The following TBC1D22A variants were observed in gnomAD, a reference collection of about 807,000 sequenced individuals.
TBC1D22A encodes the protein putative GTPase activator.
A neutral mutation model predicts 60.2 loss-of-function variants in TBC1D22A; 38 were observed. The observed-to-expected ratio is 0.63, with a 90% CI of 0.49 to 0.83. The LOEUF is 0.83. Ranked by LOEUF, TBC1D22A falls within the 40% of genes least tolerant of loss-of-function variation. The pLI is 0.00. For missense variants in TBC1D22A, 628 were observed against 701.0 expected, an observed-to-expected ratio of 0.90 and a Z score of 1.18; for synonymous variants, 302 against 281.7, an observed-to-expected ratio of 1.07 and a Z score of -0.72.
chr22:47,086,325 G>T (rs1034136953), intron 11 of TBC1D22A, among the ~76,000 whole-genome samples: 1 of 152,150 alleles, frequency 6.6e-6, no homozygotes, highest in Admixed American at 6.5e-5. Context: ...CGTGGTGGCA[G>T]GCGCCTGTAA....
At chr22:46,876,502 C>T (rs533263434) in intron 4 of TBC1D22A, among the ~76,000 whole-genome samples, 5 of 152,294 alleles carry the variant, frequency 3.3e-5, no homozygotes, top group South Asian at 2.1e-4. Context: ...GCCATTCTCT[C>T]GGGTCTGCCT....
At chr22:47,172,875 C>G (rs2068540642) in intron 12 of TBC1D22A, among the ~76,000 whole-genome samples, 1 of 152,220 alleles carries the variant, frequency 6.6e-6, no homozygotes. Flanking sequence ...TTGCTGTGCT[C>G]CTGGGCTCCC....
Position 46,884,074 on chromosome 22 carries a change from C to T in TBC1D22A, c.708+5351C>T, listed in dbSNP as rs138046377. On this transcript the variant is annotated intron_variant, in intron 5 of 12. Coordinates refer to ENST00000337137, the MANE Select transcript of TBC1D22A (RefSeq NM_014346.5). The stretch of plus-strand genomic sequence containing the variant: ...GTTGTGGGGCAAACAGCGTTCCAAG[C>T]CCTTGGACGAACATTCCGCCCTCGT... Among the ~76,000 whole-genome samples, 603 of 152,264 alleles carry T rather than the reference C, an allele frequency of 4.0e-3. 1 individual carries two copies. Among genetic ancestry groups the T allele is most frequent in the Middle Eastern group, 0.02 (6 of 294 alleles).
chr22:47,030,480 G>A (rs1401630684), intron 10 of TBC1D22A, among the ~76,000 whole-genome samples: 1 of 152,238 alleles, frequency 6.6e-6, no homozygotes, highest in East Asian at 1.9e-4. Flanking sequence ...TGGATCTGCT[G>A]TTTAAAGTGC....
At chr22:46,801,186 G>A (rs1225000995) in intron 4 of TBC1D22A, among the ~76,000 whole-genome samples, 1 of 152,198 alleles carries the variant, frequency 6.6e-6, no homozygotes, top group Non-Finnish European at 1.5e-5. Flanking sequence ...TAAATGCAGA[G>A]CTTTCAAAGT....
chr22:47,172,033 G>GCCCAACGCA (rs2068491884), intron 12 of TBC1D22A, among the ~76,000 whole-genome samples: 1 of 101,552 alleles, frequency 9.8e-6, no homozygotes, highest in East Asian at 5.3e-4. Context: ...CTCCCAGTGA[G>GCCCAACGCA]CCTACCCAGC....
chr22:46,935,810 C>A (rs2071617641), intron 8 of TBC1D22A, among the ~76,000 whole-genome samples: 2 of 151,992 alleles, frequency 1.3e-5, no homozygotes, highest in African/African-American at 4.8e-5. Context: ...GTCTCTGTAG[C>A]CTTTGCTGTT....
intron 11 of TBC1D22A, among the ~76,000 whole-genome samples, chr22:47,099,991 C>A (rs2065346831): frequency 6.6e-6 from 1 of 152,196 alleles, no homozygotes; most frequent in Non-Finnish European, 1.5e-5. Flanking sequence ...CGGCCTGGGG[C>A]TGTGTGGACT....
chr22:47,164,002 C>G (rs971683391), intron 12 of TBC1D22A, among the ~76,000 whole-genome samples: 1 of 152,230 alleles, frequency 6.6e-6, no homozygotes, highest in African/African-American at 2.4e-5. Flanking sequence ...AAGGCCCATG[C>G]TTTTCCTTGT....
chr22:46,952,793 A>T (rs762993251), intron 8 of TBC1D22A, among the ~76,000 whole-genome samples: 1 of 152,050 alleles, frequency 6.6e-6, no homozygotes, highest in Non-Finnish European at 1.5e-5. Flanking sequence ...ACCCCTCAGC[A>T]TTGTTGGTAC....
intron 4 of TBC1D22A, among the ~76,000 whole-genome samples, chr22:46,824,597 C>T (rs768576422): frequency 2.0e-4 from 30 of 152,092 alleles, no homozygotes; most frequent in Non-Finnish European, 2.5e-4. Flanking sequence ...CTGGGGCTGG[C>T]GCGATTCGAC....
At chr22:46,993,018 C>T (rs906365433) in intron 9 of TBC1D22A, among the ~76,000 whole-genome samples, 2 of 152,196 alleles carry the variant, frequency 1.3e-5, no homozygotes, top group Non-Finnish European at 2.9e-5. Context: ...AAAGAAGAGG[C>T]TGGACTTTGT....
intron 8 of TBC1D22A, among the ~76,000 whole-genome samples, chr22:46,970,114 C>G (rs2148109522): frequency 6.6e-6 from 1 of 152,208 alleles, no homozygotes; most frequent in East Asian, 1.9e-4. Context: ...TACCCACCTC[C>G]TGGAATCCAG....
At chr22:46,772,184 T>C (rs1369363047) in intron 1 of TBC1D22A, among the ~76,000 whole-genome samples, 16 of 50 alleles carry the variant, frequency 0.32, 1 homozygote, top group African/African-American at 0.5. Flanking sequence ...TACATATATA[T>C]GTATACACAC....
intron 11 of TBC1D22A, among the ~76,000 whole-genome samples, chr22:47,051,076 C>T (rs958843932): frequency 1.3e-5 from 2 of 152,000 alleles, no homozygotes; most frequent in Admixed American, 6.5e-5. Context: ...TGGGTTCTGC[C>T]CTGTGGCCTG....
chr22:46,880,720 C>T (rs2067808695), intron 5 of TBC1D22A, among the ~76,000 whole-genome samples: 1 of 152,046 alleles, frequency 6.6e-6, no homozygotes, highest in Non-Finnish European at 1.5e-5. Context: ...TACAGAGGGT[C>T]AGCTTCTGCT....
At chr22:47,072,831 C>T (rs977547348) in intron 11 of TBC1D22A, among the ~76,000 whole-genome samples, 4 of 152,248 alleles carry the variant, frequency 2.6e-5, no homozygotes, top group African/African-American at 9.6e-5. Context: ...CCATACATGT[C>T]ATGGTCTTGT....
At chr22:46,921,123 C>T (rs2070733288) in intron 8 of TBC1D22A, among the ~76,000 whole-genome samples, 2 of 152,094 alleles carry the variant, frequency 1.3e-5, no homozygotes, top group African/African-American at 2.4e-5. Flanking sequence ...GGTACATGTA[C>T]AGGTTTTTTA....
rs1303562869 is a variant in TBC1D22A at position 47,174,652 on chromosome 22, C to G, written c.*1026C>G. 6.9e-6 allele frequency: 1 copy of G among 145,894 alleles called. No homozygotes were observed. The highest frequency in any genetic ancestry group is 1.6e-5 in the Non-Finnish European group (1 of 64,054). The allele number at this position is 145,894 out of a possible 1,614,324, so 9.0% of individuals were successfully genotyped here. A position where few individuals can be genotyped will look rare whatever the true frequency, so the allele number is the denominator to read the frequency against. On this transcript the variant is annotated 3_prime_UTR_variant, in exon 13 of 13. Coordinates refer to ENST00000337137, the MANE Select transcript of TBC1D22A (RefSeq NM_014346.5). ...GGACCGGTTCCTCCGTGGACCGGTT[C>G]CGCCATGGACCGGTTCCGCCATGGA... is the stretch of plus-strand genomic sequence containing the variant.
Sources: gnomAD v4.1 joint callset for allele counts (sites outside exome capture counted in the v4.1 genomes callset) on GRCh38, gnomAD v4.1.1 for gene constraint, MANE v1.5 for transcripts, NCBI Gene and HGNC (gene_info 2026-07-23, HGNC 2026-07-21) for gene names.